Variants in LCORL observed in about 807,000 individuals in gnomAD.
The protein encoded by LCORL is ligand-dependent nuclear receptor corepressor-like protein.
Under a neutral mutation model 141.8 loss-of-function variants are expected in LCORL, and 41 were observed. That is an observed-to-expected ratio of 0.29 (90% confidence interval 0.23 to 0.38). The LOEUF is 0.38. LCORL is among the 10% of genes least tolerant of loss of function. The probability of loss-of-function intolerance (pLI) is 1.00; values close to 1 mark genes in which losing one functional copy is unlikely to be tolerated. For missense variants in LCORL, 1,759 were observed against 2,035.0 expected (o/e 0.86, Z 2.61); for synonymous variants, 618 against 694.1 (o/e 0.89, Z 1.72).
intron 4 of LCORL, among the ~76,000 whole-genome samples, chr4:17,945,913 A>G (rs1738801395): frequency 6.6e-6 from 1 of 152,070 alleles, no homozygotes; most frequent in Non-Finnish European, 1.5e-5. Context: ...TTTTAAACAC[A>G]TTTAAATACC....
intron 6 of LCORL, chr4:17,883,809 T>G (rs765832692): frequency 2.6e-6 from 4 of 1,550,722 alleles, no homozygotes; most frequent in South Asian, 1.2e-5. Context: ...AGTTTCTTCT[T>G]CGGAGGAGTC....
intron 5 of LCORL, among the ~76,000 whole-genome samples, chr4:17,907,155 T>C (rs1320197360): frequency 2.0e-5 from 3 of 152,196 alleles, no homozygotes; most frequent in African/African-American, 7.2e-5. Context: ...CTCAACTCAC[T>C]GGACCATTCA....
intron 5 of LCORL, among the ~76,000 whole-genome samples, chr4:17,895,539 T>TA (rs1006397286): frequency 1.1e-4 from 17 of 152,014 alleles, no homozygotes; most frequent in Admixed American, 3.9e-4. Context: ...TATACCACAC[T>TA]AAAAAAAACC....
At chr4:17,976,312 C>T (rs1345966188) in intron 1 of LCORL, among the ~76,000 whole-genome samples, 2 of 152,166 alleles carry the variant, frequency 1.3e-5, no homozygotes, top group East Asian at 1.9e-4. Context: ...CTATTTATTT[C>T]CTCTGTTATA....
intron 1 of LCORL, among the ~76,000 whole-genome samples, chr4:17,985,114 G>A (rs1718735376): frequency 6.6e-6 from 1 of 151,934 alleles, no homozygotes; most frequent in South Asian, 2.1e-4. Flanking sequence ...TATTTTTATT[G>A]AGCTGTGGTC....
At chr4:17,869,427 G>C (rs1392447126) in intron 7 of LCORL, among the ~76,000 whole-genome samples, 1 of 152,008 alleles carries the variant, frequency 6.6e-6, no homozygotes, top group Non-Finnish European at 1.5e-5. Flanking sequence ...ATAAACTCTT[G>C]TTGCTATATT....
intron 1 of LCORL, among the ~76,000 whole-genome samples, chr4:17,977,095 C>T (rs1176200485): frequency 6.6e-6 from 1 of 152,088 alleles, no homozygotes; most frequent in African/African-American, 2.4e-5. Context: ...TTTGTGGGGG[C>T]TGGTCTTTTT....
At chr4:17,882,682 T>C in intron 6 of LCORL, 3 of 984,800 alleles carry the variant, frequency 3.0e-6, no homozygotes, top group Non-Finnish European at 3.6e-6. Flanking sequence ...TTCATTTTGA[T>C]AAACTGAAAA....
At position 18,013,039 on chromosome 4, in the gene LCORL, C is replaced by T. The variant is rs148780840; in HGVS notation, c.154+8559G>A. Among the ~76,000 whole-genome samples the T allele has an allele frequency of 3.2e-3, 492 of 152,256 alleles. 2 individuals carry two copies. Among genetic ancestry groups the T allele is most frequent in the African/African-American group, 0.011 (447 of 41,548 alleles). Reference sequence around the variant, plus strand: ...CCTATTATAATATGGCTGCCATCTCCCTCACTACTGAAATTTATCTAGTCA... The same window carrying T: ...CCTATTATAATATGGCTGCCATCTCTCTCACTACTGAAATTTATCTAGTCA... On this transcript the variant is annotated intron_variant, in intron 1 of 7. Transcript: ENST00000635767.
chr4:17,971,281 G>A (rs1261063343), intron 2 of LCORL, among the ~76,000 whole-genome samples: 1 of 151,332 alleles, frequency 6.6e-6, no homozygotes, highest in East Asian at 1.9e-4. Context: ...TTTTTGTTTT[G>A]TTTACAAAAA....
chr4:17,966,377 C>G (rs1202762214), intron 2 of LCORL, among the ~76,000 whole-genome samples: 1 of 152,098 alleles, frequency 6.6e-6, no homozygotes, highest in African/African-American at 2.4e-5. Flanking sequence ...ATATTATGAA[C>G]ATCATGCTCA....
chr4:18,013,835 G>A (rs1449174047), intron 1 of LCORL, among the ~76,000 whole-genome samples: 1 of 149,382 alleles, frequency 6.7e-6, no homozygotes, highest in Non-Finnish European at 1.5e-5. Context: ...TTTTTTCGGA[G>A]TCTTGGTCTG....
At chr4:17,877,897 T>C (rs575932712) in exon 7 of LCORL, 229 of 1,230,614 alleles carry the variant, frequency 1.9e-4, no homozygotes, top group Middle Eastern at 3.1e-4. Flanking sequence ...AAATCTTTAA[T>C]ACAGACTGGC....
At chr4:18,016,967 G>A (rs1441523014) in intron 1 of LCORL, among the ~76,000 whole-genome samples, 1 of 152,080 alleles carries the variant, frequency 6.6e-6, no homozygotes, top group African/African-American at 2.4e-5. Context: ...TGGTATCTAA[G>A]TCTATTTTCC....
intron 4 of LCORL, among the ~76,000 whole-genome samples, chr4:17,921,092 C>T (rs868224953): frequency 2.2e-4 from 34 of 152,236 alleles, no homozygotes; most frequent in Admixed American, 3.9e-4. Context: ...GGCGCAATCT[C>T]GGCTCACTGC....
chr4:18,018,894 T>C (rs1267738888), intron 1 of LCORL, among the ~76,000 whole-genome samples: 1 of 152,218 alleles, frequency 6.6e-6, no homozygotes, highest in Non-Finnish European at 1.5e-5. Flanking sequence ...TGTGTACGCA[T>C]ATATATTCAC....
chr4:17,942,075 A>G (rs1261982003), intron 4 of LCORL, among the ~76,000 whole-genome samples: 6 of 152,206 alleles, frequency 3.9e-5, no homozygotes, highest in Admixed American at 6.5e-5. Flanking sequence ...TATGGTACTC[A>G]AGAAATGTCA....
intron 5 of LCORL, among the ~76,000 whole-genome samples, chr4:17,892,273 A>C (rs1729226686): frequency 6.7e-6 from 1 of 150,244 alleles, no homozygotes; most frequent in African/African-American, 2.5e-5. Context: ...CAGTGGCACA[A>C]TCTCGGCTCA....
intron 4 of LCORL, among the ~76,000 whole-genome samples, chr4:17,955,099 C>G (rs73802711): frequency 7.9e-5 from 12 of 152,208 alleles, no homozygotes; most frequent in African/African-American, 2.9e-4. Context: ...TGAGGACTAA[C>G]TCTTACGGCT....
Sources: allele counts gnomAD v4.1 joint callset (sites outside exome capture counted in the v4.1 genomes callset), GRCh38; gene constraint gnomAD v4.1.1; transcripts MANE v1.5; gene names NCBI Gene and HGNC (gene_info 2026-07-23, HGNC 2026-07-21).